The following XKR9 variants were observed in gnomAD, a reference collection of about 807,000 sequenced individuals.
XKR9 encodes the protein XK related 9, also known as XK-related protein 9.
In XKR9, 32 loss-of-function variants were observed where a neutral mutation model predicts 32.0. That is an observed-to-expected ratio of 1.00 (90% CI 0.76 to 1.34). The LOEUF (loss-of-function observed/expected upper bound fraction) is 1.34. Among genes scored for constraint, XKR9 ranks in the 40% most tolerant of loss-of-function variants. The pLI, the probability that XKR9 is intolerant of heterozygous loss-of-function variation, is 0.00. For synonymous variants in XKR9, 168 were observed against 143.4 expected, an observed-to-expected ratio of 1.17 and a Z score of -1.22; for missense variants, 546 against 429.7, an observed-to-expected ratio of 1.27 and a Z score of -2.39.
intron 1 of XKR9, among the ~76,000 whole-genome samples, chr8:70,672,928 T>C (rs1445854796): frequency 6.6e-6 from 1 of 152,190 alleles, no homozygotes. Context: ...TTTTCTCTTG[T>C]TGAGTTTGAG....
At chr8:70,961,732 G>A in the XKR9 span, among the ~76,000 whole-genome samples, 2 of 152,034 alleles carry the variant, frequency 1.3e-5, no homozygotes, top group Admixed American at 6.5e-5. Context: ...TCCAAATAGA[G>A]AAGGGTACAT....
intron 2 of XKR9, among the ~76,000 whole-genome samples, chr8:70,761,808 T>C (rs1807312920): frequency 6.6e-6 from 1 of 152,186 alleles, no homozygotes; most frequent in Non-Finnish European, 1.5e-5. Flanking sequence ...GGTTTTCTTC[T>C]AGAGTTTTTA....
the XKR9 span, among the ~76,000 whole-genome samples, chr8:70,822,396 A>C: frequency 6.6e-6 from 1 of 151,996 alleles, no homozygotes; most frequent in African/African-American, 2.4e-5. Flanking sequence ...TAGTTTGGGA[A>C]AAACAGGAAT....
intron 2 of XKR9, among the ~76,000 whole-genome samples, chr8:70,788,886 G>T (rs555840633): frequency 6.6e-6 from 1 of 152,114 alleles, no homozygotes; most frequent in Non-Finnish European, 1.5e-5. Context: ...ATATAAATGT[G>T]GGTCATATGT....
At chr8:70,895,295 T>C in the XKR9 span, among the ~76,000 whole-genome samples, 53 of 152,298 alleles carry the variant, frequency 3.5e-4, 2 homozygotes, top group Middle Eastern at 0.014. Context: ...AGGGTTTTTG[T>C]TATGCCTCAG....
At chr8:70,851,246 AG>A in the XKR9 span, among the ~76,000 whole-genome samples, 895 of 152,324 alleles carry the variant, frequency 5.9e-3, 12 homozygotes, top group African/African-American at 0.021. Flanking sequence ...GACCTATTCA[AG>A]GAGAATTACA....
intron 1 of XKR9, among the ~76,000 whole-genome samples, chr8:70,673,129 C>CT (rs1167203270): frequency 6.6e-6 from 1 of 152,172 alleles, no homozygotes; most frequent in Non-Finnish European, 1.5e-5. Flanking sequence ...GCTACAAAAT[C>CT]TTTGCCTAAA....
the XKR9 span, among the ~76,000 whole-genome samples, chr8:70,881,937 A>C: frequency 1.3e-5 from 2 of 152,346 alleles, no homozygotes; most frequent in African/African-American, 4.8e-5. Flanking sequence ...GCAGCCATAA[A>C]AAAGGATGAG....
At chr8:71,035,701 T>C in the XKR9 span, among the ~76,000 whole-genome samples, 1 of 152,164 alleles carries the variant, frequency 6.6e-6, no homozygotes, top group Non-Finnish European at 1.5e-5. Flanking sequence ...AATCAATTGT[T>C]TATTAGCACT....
intron 2 of XKR9, among the ~76,000 whole-genome samples, chr8:70,786,470 A>G (rs1807689752): frequency 1.3e-5 from 2 of 152,124 alleles, no homozygotes; most frequent in South Asian, 2.1e-4. Context: ...TGTTGGGTAC[A>G]TGTATACCTA....
At chr8:71,017,889 C>T in the XKR9 span, among the ~76,000 whole-genome samples, 1 of 152,180 alleles carries the variant, frequency 6.6e-6, no homozygotes, top group African/African-American at 2.4e-5. Context: ...CTCTCTTCAT[C>T]ATAGTTTTTT....
the XKR9 span, among the ~76,000 whole-genome samples, chr8:70,854,033 G>T: frequency 1.4e-5 from 2 of 146,694 alleles, no homozygotes; most frequent in South Asian, 4.2e-4. Flanking sequence ...AATCTTTTGG[G>T]TATATACCCA....
chr8:70,757,604 T>C (rs1191249408), intron 2 of XKR9, among the ~76,000 whole-genome samples: 1 of 152,148 alleles, frequency 6.6e-6, no homozygotes, highest in Non-Finnish European at 1.5e-5. Flanking sequence ...TTTATTTATT[T>C]ATGACAGAGT....
At chr8:70,720,429 A>G (rs1806238414) in intron 4 of XKR9, among the ~76,000 whole-genome samples, 1 of 152,084 alleles carries the variant, frequency 6.6e-6, no homozygotes, top group Non-Finnish European at 1.5e-5. Context: ...GATATTGGCT[A>G]TGGATATGCC....
At chr8:70,878,284 G>A in the XKR9 span, among the ~76,000 whole-genome samples, 36 of 152,198 alleles carry the variant, frequency 2.4e-4, no homozygotes, top group Admixed American at 9.2e-4. Flanking sequence ...CATAATGAGA[G>A]GATCAAAATC....
intron 2 of XKR9, among the ~76,000 whole-genome samples, chr8:70,760,267 A>G (rs1286065294): frequency 6.6e-6 from 1 of 152,182 alleles, no homozygotes; most frequent in Non-Finnish European, 1.5e-5. Context: ...AAGGCTACTG[A>G]TAAGGGAATT....
the XKR9 span, among the ~76,000 whole-genome samples, chr8:70,833,412 A>G: frequency 8.5e-5 from 13 of 152,336 alleles, no homozygotes; most frequent in East Asian, 2.5e-3. Context: ...TGAATATAAC[A>G]TTATACAGGA....
At chr8:70,822,903 G>T in the XKR9 span, among the ~76,000 whole-genome samples, 1 of 152,024 alleles carries the variant, frequency 6.6e-6, no homozygotes, top group African/African-American at 2.4e-5. Flanking sequence ...ACACATAAGG[G>T]TTCTTATAAA....
the XKR9 span, among the ~76,000 whole-genome samples, chr8:70,899,741 A>T: frequency 6.6e-6 from 1 of 152,146 alleles, no homozygotes; most frequent in Non-Finnish European, 1.5e-5. Flanking sequence ...ATTTAATAAT[A>T]CATCTTGCAG....
Sources: allele counts gnomAD v4.1 joint callset (sites outside exome capture counted in the v4.1 genomes callset), GRCh38; gene constraint gnomAD v4.1.1; transcripts MANE v1.5; gene names NCBI Gene and HGNC (gene_info 2026-07-23, HGNC 2026-07-21).